P2RY8: variants seen among roughly 807,000 people sequenced by gnomAD.
P2RY8 encodes the protein S-geranylgeranyl-glutathione receptor P2RY8.
P2RY8 carries 6 observed loss-of-function variants against 10.0 expected under a neutral mutation model. The ratio of observed to expected loss-of-function variants is 0.60; its 90% CI spans 0.33 to 1.19. The LOEUF is 1.19. Ranked by LOEUF, P2RY8 falls within the 50% of genes most tolerant of loss-of-function variation. P2RY8 has a pLI of 0.04. For missense variants in P2RY8, 456 were observed against 542.0 expected, an observed-to-expected ratio of 0.84 and a Z score of 1.58; for synonymous variants, 276 against 252.5, an observed-to-expected ratio of 1.09 and a Z score of -0.88.
chrX:1,479,705 C>G (rs5989652), intron 1 of P2RY8, among the ~76,000 whole-genome samples: 75,664 of 151,884 alleles, frequency 0.5, 18,945 homozygotes, highest in South Asian at 0.65. Flanking sequence ...AAACCATAGG[C>G]TTGTTCTTTG....
chrX:1,517,240 A>G (rs1435096566), intron 1 of P2RY8, among the ~76,000 whole-genome samples: 1 of 152,066 alleles, frequency 6.6e-6, no homozygotes, highest in African/African-American at 2.4e-5. Flanking sequence ...GGAGGAGATG[A>G]GGGCACAGAC....
In P2RY8 at chrX:1,537,018, G is replaced by A. The variant is rs191594047; in HGVS notation, c.-122C>T. ...AGTCGACGGCCGTGCCTCAGAGCCC[G>A]GGACTCGGGGGGCCAGCCACCAGCT... On this transcript the variant is annotated 5_prime_UTR_variant, in exon 1 of 2. Coordinates refer to ENST00000381297, the MANE Select transcript of P2RY8 (RefSeq NM_178129.5). The A allele has an allele frequency of 0.012, 2,684 of 232,320 alleles. 71 individuals are homozygous for A. Among genetic ancestry groups the A allele is most frequent in the African/African-American group, 0.056 (2,518 of 45,350 alleles). The allele number at this position is 232,320 out of a possible 1,614,324, so 14.4% of individuals were successfully genotyped here.
intron 1 of P2RY8, among the ~76,000 whole-genome samples, chrX:1,523,305 G>C (rs2092406522): frequency 6.6e-6 from 1 of 151,858 alleles, no homozygotes; most frequent in East Asian, 1.9e-4. Context: ...TTCTCAAAGG[G>C]TGTCACTTTA....
intron 1 of P2RY8, among the ~76,000 whole-genome samples, chrX:1,531,393 GC>G (rs1407588441): frequency 6.6e-6 from 1 of 152,094 alleles, no homozygotes; most frequent in African/African-American, 2.4e-5. Context: ...CTTCCTGCAT[GC>G]CCTCTCCATC....
chrX:1,514,703 CCTTCCCTT>C (rs1305263643), intron 1 of P2RY8, among the ~76,000 whole-genome samples: 1 of 1,218 alleles, frequency 8.2e-4, no homozygotes, highest in Non-Finnish European at 3.8e-3. Context: ...TCCTTCCCTT[CCTTCCCTT>C]CCTTCCCTTC....
chrX:1,478,273 G>GTGTGTGCA (rs539376483), intron 1 of P2RY8, among the ~76,000 whole-genome samples: 10 of 133,638 alleles, frequency 7.5e-5, no homozygotes, highest in South Asian at 4.6e-4. Context: ...GTGTGTGTGT[G>GTGTGTGCA]CCCAGCAGGG....
intron 1 of P2RY8, among the ~76,000 whole-genome samples, chrX:1,524,669 T>TCCATCCATCCATC (rs1556686043): frequency 1.4e-4 from 7 of 51,060 alleles, no homozygotes; most frequent in Non-Finnish European, 1.9e-4. Context: ...ATCCATCCAT[T>TCCATCCATCCATC]CATCCATCCA....
At chrX:1,516,524 G>A (rs1425358880) in intron 1 of P2RY8, among the ~76,000 whole-genome samples, 1 of 151,382 alleles carries the variant, frequency 6.6e-6, no homozygotes, top group African/African-American at 2.4e-5. Context: ...GATCTCATAA[G>A]AAGAGGAGAT....
At chrX:1,524,349 T>TCATC (rs201531685) in intron 1 of P2RY8, among the ~76,000 whole-genome samples, 6 of 130,990 alleles carry the variant, frequency 4.6e-5, no homozygotes, top group Admixed American at 7.3e-5. Flanking sequence ...ATCCATCCAT[T>TCATC]CATCCATCCA....
intron 1 of P2RY8, among the ~76,000 whole-genome samples, chrX:1,503,271 A>C (rs2092197046): frequency 6.6e-6 from 1 of 152,174 alleles, no homozygotes; most frequent in Non-Finnish European, 1.5e-5. Flanking sequence ...TTGATCTCAG[A>C]CTTCTGGCCC....
intron 1 of P2RY8, among the ~76,000 whole-genome samples, chrX:1,488,659 C>A (rs1171473044): frequency 6.6e-6 from 1 of 152,112 alleles, no homozygotes; most frequent in African/African-American, 2.4e-5. Flanking sequence ...CCACCAGGTA[C>A]CTGCTGCAAA....
chrX:1,507,837 C>A (rs1418806793), intron 1 of P2RY8, among the ~76,000 whole-genome samples: 1 of 152,152 alleles, frequency 6.6e-6, no homozygotes, highest in Non-Finnish European at 1.5e-5. Context: ...GCTATTAGGT[C>A]ATGGCATGGC....
chrX:1,484,047 A>G (rs1295403990), intron 1 of P2RY8, among the ~76,000 whole-genome samples: 1 of 148,866 alleles, frequency 6.7e-6, no homozygotes, highest in South Asian at 2.1e-4. Flanking sequence ...CCAAAGCTGG[A>G]CTCCCCTAAA....
intron 1 of P2RY8, among the ~76,000 whole-genome samples, chrX:1,530,203 T>C (rs6421502): frequency 0.85 from 127,878 of 150,724 alleles, 54,868 homozygotes; most frequent in East Asian, 0.98. Context: ...TATCTATCTA[T>C]CTATCTATCT....
intron 1 of P2RY8, among the ~76,000 whole-genome samples, chrX:1,532,451 GTGTATATATA>G (rs2092484788): frequency 3.3e-5 from 2 of 61,392 alleles, no homozygotes; most frequent in African/African-American, 4.9e-5. Context: ...ATATGTATAT[GTGTATATATA>G]CACATATATG....
At chrX:1,477,195 A>AG (rs1268194448) in intron 1 of P2RY8, among the ~76,000 whole-genome samples, 5 of 110,838 alleles carry the variant, frequency 4.5e-5, no homozygotes, top group African/African-American at 1.8e-4. Context: ...TCTCAAAAAA[A>AG]AAAAAAGAAG....
At chrX:1,515,807 G>A (rs1396748919) in intron 1 of P2RY8, among the ~76,000 whole-genome samples, 1 of 151,940 alleles carries the variant, frequency 6.6e-6, no homozygotes, top group African/African-American at 2.4e-5. Context: ...CAGGAGGTGA[G>A]AGCTCTGGGG....
At chrX:1,516,477 A>C (rs747098072) in intron 1 of P2RY8, among the ~76,000 whole-genome samples, 22 of 150,426 alleles carry the variant, frequency 1.5e-4, no homozygotes, top group Admixed American at 8.0e-4. Flanking sequence ...CGCCCAGTCT[A>C]TGGTGTTCTG....
intron 1 of P2RY8, among the ~76,000 whole-genome samples, chrX:1,505,074 G>C (rs2092218700): frequency 2.0e-5 from 3 of 148,278 alleles, no homozygotes; most frequent in African/African-American, 7.4e-5. Context: ...GGAGGCAGAG[G>C]TTGCAGTGAG....
Sources: gnomAD v4.1 joint callset for allele counts (sites outside exome capture counted in the v4.1 genomes callset) on GRCh38, gnomAD v4.1.1 for gene constraint, MANE v1.5 for transcripts, NCBI Gene and HGNC (gene_info 2026-07-23, HGNC 2026-07-21) for gene names.